Variants in PLEKHG5 observed in about 807,000 individuals in gnomAD.
PLEKHG5 encodes the protein pleckstrin homology domain-containing family G member 5.
PLEKHG5 carries 52 observed loss-of-function variants against 103.8 expected under a neutral mutation model. That is an observed-to-expected ratio of 0.50 (90% CI 0.40 to 0.63). The LOEUF is 0.63. Among genes scored for constraint, PLEKHG5 ranks in the 30% least tolerant of loss-of-function variants. The pLI, the probability that PLEKHG5 is intolerant of heterozygous loss-of-function variation, is 0.00. For missense variants in PLEKHG5, 1,205 were observed against 1,347.6 expected, an observed-to-expected ratio of 0.89 and a Z score of 1.66; for synonymous variants, 592 against 575.5, an observed-to-expected ratio of 1.03 and a Z score of -0.41.
At chr1:6,484,110 C>T (rs1338617292) in intron 1 of PLEKHG5, among the ~76,000 whole-genome samples, 2 of 152,218 alleles carry the variant, frequency 1.3e-5, no homozygotes, top group East Asian at 3.8e-4. Flanking sequence ...GACTCTGTGC[C>T]ACCATCTTGT....
chr1:6,471,223 G>A, intron 12 of PLEKHG5, 123 bp from the exon 13 acceptor site: 1 of 857,036 alleles, frequency 1.2e-6, no homozygotes, highest in Admixed American at 2.0e-5. Flanking sequence ...GGGGCAGCAA[G>A]CTTATGATCC....
chr1:6,484,793 G>A (rs936798123), intron 1 of PLEKHG5, among the ~76,000 whole-genome samples: 21 of 152,164 alleles, frequency 1.4e-4, no homozygotes, highest in Non-Finnish European at 2.5e-4. Flanking sequence ...CAACCCAAGG[G>A]AGGAGAGAGC....
Position 6,468,448 on chromosome 1 carries a change from G to T in PLEKHG5, c.2388C>A (p.Ala796=). The stretch of plus-strand genomic sequence containing the variant: ...GGGGCAGCAGCTCACTGGTGGGCGT[G>T]GCAGATGAGGCAGTGGTGCTGAGAG... ...ETSLSTTASS[A]TPTSELLPLG... The change falls in exon 20 of 21, where the codon GCC becomes GCA. Residue 796 remains alanine (A), a synonymous_variant. Coordinates refer to ENST00000377728, the MANE Select transcript of PLEKHG5 (RefSeq NM_020631.6). The T allele has an allele frequency of 6.2e-7, 1 of 1,612,920 alleles. No individual in the cohort carries two copies. Among genetic ancestry groups the T allele is most frequent in the Non-Finnish European group, 8.5e-7 (1 of 1,179,848 alleles).
intron 11 of PLEKHG5, 57 bp downstream of exon 11, chr1:6,471,701 A>G (rs1644595094): frequency 4.4e-6 from 7 of 1,582,300 alleles, no homozygotes; most frequent in Non-Finnish European, 6.0e-6. Context: ...CCCCAGGTCC[A>G]GGTCCCGCCC....
chr1:6,473,013 G>A lies in PLEKHG5; in HGVS notation c.957C>T (p.Ser319=), dbSNP rs1248626242. 1 of 1,614,056 alleles carries A rather than the reference G, an allele frequency of 6.2e-7. No homozygotes were observed. The highest frequency in any genetic ancestry group is 1.1e-5 in the South Asian group (1 of 91,092). ...EDNACLRLED[S]WRELIDGHEK... ...CATGCCCATCAATGAGCTCCCGCCAGCTGTCCTCCAGCCTCAGGCAGGCAT... is the reference window on the plus strand; with the variant it reads ...CATGCCCATCAATGAGCTCCCGCCAACTGTCCTCCAGCCTCAGGCAGGCAT... Residue 319 remains serine, a synonymous_variant, in exon 9 of 21, where the codon AGC becomes AGT. Transcript: ENST00000377728.
chr1:6,472,143 C>T (rs1264772236), intron 10 of PLEKHG5, among the ~76,000 whole-genome samples: 1 of 152,240 alleles, frequency 6.6e-6, no homozygotes, highest in Non-Finnish European at 1.5e-5. Flanking sequence ...AGGGTGCTTC[C>T]TCCCTCCAGG....
In PLEKHG5 at chr1:6,470,556, G is replaced by A. The variant is rs1046202834; in HGVS notation, c.1630C>T (p.Arg544Cys). 1.9e-6 allele frequency: 3 copies of A among 1,597,430 alleles called. No homozygotes were observed. The highest frequency in any genetic ancestry group is 2.7e-5 in the African/African-American group (2 of 74,716). Residue 544 changes from arginine to cysteine, a missense_variant, in exon 15 of 21, where the codon CGC (arginine) becomes TGC (cysteine). Physicochemically the swap from Arg to Cys is radical, Grantham distance 180. Coordinates refer to ENST00000377728, the MANE Select transcript of PLEKHG5 (RefSeq NM_020631.6). ...TCCACCACCTCGTAGGCGTCGATGCGGCTCACCACGGCCGCCAGCCGCTGC... is the reference window on the plus strand; with the variant it reads ...TCCACCACCTCGTAGGCGTCGATGCAGCTCACCACGGCCGCCAGCCGCTGC... ...ERQRLAAVVS[R>C]IDAYEVVESS...
intron 1 of PLEKHG5, chr1:6,485,569 A>ACAG: frequency 1.0e-6 from 1 of 953,040 alleles, no homozygotes; most frequent in Non-Finnish European, 1.3e-6. Context: ...CGGGCCCGGA[A>ACAG]CAGCCCCCAG....
chr1:6,467,144 A>AAT lies in PLEKHG5; in HGVS notation c.*418_*419insAT. 2 of 335,342 alleles carry AAT rather than the reference A, an allele frequency of 6.0e-6. No homozygotes were observed. The highest frequency in any genetic ancestry group is 5.4e-5 in the South Asian group (2 of 37,220). The allele number at this position is 335,342 out of a possible 1,614,324, so 20.8% of individuals were successfully genotyped here. On this transcript the variant is annotated 3_prime_UTR_variant, in exon 21 of 21. Transcript: ENST00000377728. ...CAGTGGAGTCTAGACAAGTCTTTAT[A>AAT]AAAGAACCAAAAGCTCAATAAATAC...
chr1:6,484,504 T>C (rs1317895717), intron 1 of PLEKHG5, among the ~76,000 whole-genome samples: 1 of 152,172 alleles, frequency 6.6e-6, no homozygotes, highest in Non-Finnish European at 1.5e-5. Context: ...GGGAGAACCA[T>C]GAGCCCAACT....
upstream of PLEKHG5, chr1:6,491,825 T>A (rs538345475): frequency 6.3e-5 from 17 of 270,462 alleles, no homozygotes; most frequent in Admixed American, 9.1e-4. This position sits in a 1 kb window ranked among gnomAD's most constrained non-coding sequence, Gnocchi z 4.1. Flanking sequence ...CAATCCCCTC[T>A]ACGCTTCCCT....
At chr1:6,519,330 G>A (rs1288108372) in intron 1 of PLEKHG5, 20 of 845,264 alleles carry the variant, frequency 2.4e-5, no homozygotes, top group East Asian at 7.3e-5. Flanking sequence ...TAAACCGTCC[G>A]GACTAATTCA....
chr1:6,468,057 A>T lies in PLEKHG5; in HGVS notation c.2779T>A (p.Trp927Arg). Residue 927 changes from tryptophan (W) to arginine (R), a missense_variant, in exon 20 of 21, where the codon TGG becomes AGG. Trp to Arg is a moderately radical substitution (Grantham distance 101). Transcript: ENST00000377728. Reference protein sequence around the residue: ...QGSPQEAGPSWDCRGAPSPGS... With the variant: ...QGSPQEAGPSRDCRGAPSPGS... ...GGGCTAGGGGCCCCTCGGCAATCCCAGCTGGGCCCAGCTTCCTGAGGGGAG... is the reference window on the plus strand; with the variant it reads ...GGGCTAGGGGCCCCTCGGCAATCCCTGCTGGGCCCAGCTTCCTGAGGGGAG... 6.4e-7 allele frequency: 1 copy of T among 1,569,884 alleles called. No homozygotes were observed. The highest frequency in any genetic ancestry group is 8.6e-7 in the Non-Finnish European group (1 of 1,159,892).
At chr1:6,503,342 A>T (rs995805946) in intron 1 of PLEKHG5, among the ~76,000 whole-genome samples, 2 of 151,192 alleles carry the variant, frequency 1.3e-5, no homozygotes, top group East Asian at 3.9e-4. Context: ...GCTTCAGGTC[A>T]GATGCAGTGA....
At chr1:6,474,224 C>A in intron 6 of PLEKHG5, 60 bp from the exon 7 acceptor site, 1 of 1,586,686 alleles carries the variant, frequency 6.3e-7, no homozygotes, top group Non-Finnish European at 8.6e-7. Context: ...AGGGGGTCCC[C>A]GGTCCTCTCT....
intron 2 of PLEKHG5, 36 bp from the exon 3 acceptor site, chr1:6,476,072 G>C (rs766272990): frequency 1.3e-6 from 2 of 1,564,562 alleles, no homozygotes; most frequent in Non-Finnish European, 1.8e-6. Context: ...TGCCTCCCCC[G>C]CCCCTCCTTA....
intron 1 of PLEKHG5, among the ~76,000 whole-genome samples, chr1:6,503,705 C>T (rs538661379): frequency 9.9e-5 from 15 of 152,282 alleles, no homozygotes; most frequent in East Asian, 9.7e-4. Context: ...CCACCGTGCC[C>T]GGCCTACCCT....
At chr1:6,478,120 G>C (rs746765816) in intron 1 of PLEKHG5, among the ~76,000 whole-genome samples, 12 of 152,002 alleles carry the variant, frequency 7.9e-5, no homozygotes, top group Non-Finnish European at 1.5e-4. Flanking sequence ...TCCTGACCTC[G>C]TGAACAGCCC....
chr1:6,518,601 T>C (rs561910137), intron 1 of PLEKHG5, among the ~76,000 whole-genome samples: 32 of 150,470 alleles, frequency 2.1e-4, no homozygotes, highest in African/African-American at 7.3e-4. Flanking sequence ...AAAGAAAATA[T>C]GGATGTGCAG....
Sources: gnomAD v4.1 joint callset for allele counts (sites outside exome capture counted in the v4.1 genomes callset) on GRCh38, gnomAD v4.1.1 for gene constraint, Gnocchi (gnomAD v3.1) non-coding constraint, MANE v1.5 for transcripts, NCBI Gene and HGNC (gene_info 2026-07-23, HGNC 2026-07-21) for gene names.